FGD6: variants seen among roughly 807,000 people sequenced by gnomAD.
The protein encoded by FGD6 is FYVE, RhoGEF and PH domain-containing protein 6.
FGD6 carries 90 observed loss-of-function variants against 149.4 expected under a neutral mutation model. That is an observed-to-expected ratio of 0.60 (90% CI 0.51 to 0.72). The LOEUF (loss-of-function observed/expected upper bound fraction) is 0.72. Ranked by LOEUF, FGD6 falls within the 30% of genes least tolerant of loss-of-function variation. The pLI is 0.00. For synonymous variants in FGD6, 527 were observed against 584.0 expected, an observed-to-expected ratio of 0.90 and a Z score of 1.41; for missense variants, 1,437 against 1,684.8, an observed-to-expected ratio of 0.85 and a Z score of 2.57.
At chr12:95,187,376 T>C (rs1350755342) in intron 2 of FGD6, among the ~76,000 whole-genome samples, 2 of 150,340 alleles carry the variant, frequency 1.3e-5, no homozygotes, top group Admixed American at 6.6e-5. Context: ...TGGTGGCTCA[T>C]GCCTGTAATC....
intron 6 of FGD6, among the ~76,000 whole-genome samples, chr12:95,138,246 AACTC>A (rs767370417): frequency 1.3e-4 from 18 of 143,868 alleles, no homozygotes; most frequent in Middle Eastern, 3.8e-3. Context: ...ATAAATAAAT[AACTC>A]ACTCACTCCT....
At chr12:95,145,190 T>C (rs1356287453) in intron 5 of FGD6, among the ~76,000 whole-genome samples, 1 of 151,972 alleles carries the variant, frequency 6.6e-6, no homozygotes, top group Non-Finnish European at 1.5e-5. Context: ...GGTTTCACCA[T>C]GTTGGCCAGA....
chr12:95,193,530 G>GTTT (rs754634855), intron 2 of FGD6, among the ~76,000 whole-genome samples: 2 of 129,180 alleles, frequency 1.5e-5, no homozygotes, highest in Admixed American at 7.9e-5. Context: ...GTTAATTCTT[G>GTTT]TTTTTTTTTT....
At chr12:95,131,754 G>A (rs1282787693) in intron 8 of FGD6, among the ~76,000 whole-genome samples, 2 of 152,026 alleles carry the variant, frequency 1.3e-5, no homozygotes, top group African/African-American at 2.4e-5. Context: ...CACCAGTATC[G>A]AGGGCCTATT....
chr12:95,204,249 T>G (rs1197844134), intron 2 of FGD6, among the ~76,000 whole-genome samples: 2 of 152,188 alleles, frequency 1.3e-5, no homozygotes. Context: ...TCCCTTCCAG[T>G]CTCCTTCATC....
In FGD6 at chr12:95,174,927, CAAAAAAAA is replaced by C. The variant is rs10687970; in HGVS notation, c.2442-2191_2442-2184del. 5.9e-5 allele frequency among the ~76,000 whole-genome samples: 5 copies of C among 84,676 alleles called. No homozygotes were observed. In the East Asian group the frequency reaches 1.5e-3, roughly 25 times the overall value. 55.6% of individuals were successfully genotyped at this position (84,676 alleles called of 152,430 possible). On this transcript the variant is annotated intron_variant, in intron 2 of 20. Transcript: ENST00000343958. Reference sequence around the variant, plus strand: ...GGGCGACAGAGTGAGACTCCATCTCCAAAAAAAAAAAAAAAAAAAAGAAATTAGGTTTA... The same window carrying C: ...GGGCGACAGAGTGAGACTCCATCTCCAAAAAAAAAAAAGAAATTAGGTTTA...
chr12:95,133,070 A>T (rs961942718), intron 8 of FGD6, among the ~76,000 whole-genome samples: 1 of 152,234 alleles, frequency 6.6e-6, no homozygotes, highest in Admixed American at 6.5e-5. Flanking sequence ...TAAATTATTC[A>T]GTTGGCTTTA....
At chr12:95,133,814 C>T (rs569881308) in intron 8 of FGD6, among the ~76,000 whole-genome samples, 6 of 152,054 alleles carry the variant, frequency 3.9e-5, no homozygotes, top group Non-Finnish European at 8.8e-5. Context: ...TTTTGTGATG[C>T]CAAACCACTT....
intron 1 of FGD6, among the ~76,000 whole-genome samples, chr12:95,214,744 T>G (rs2056744849): frequency 6.6e-6 from 1 of 152,196 alleles, no homozygotes. Flanking sequence ...GTGTACACTC[T>G]CTGGCTACTG....
At position 95,210,391 on chromosome 12, in the gene FGD6, A is replaced by C. The variant is rs1181947663; in HGVS notation, c.893T>G (p.Leu298Arg). The change falls in exon 2 of 21, where the codon CTT becomes CGT. Residue 298 changes from leucine to arginine, a missense_variant. Transcript: ENST00000343958. Reference sequence around the variant, plus strand: ...TACTAAATGAATTTCTAAGGGACCAAGGTCTTTGACTTCTGATTTCTTACT... The same window carrying C: ...TACTAAATGAATTTCTAAGGGACCACGGTCTTTGACTTCTGATTTCTTACT... ...GVSKKSEVKD[L>R]GPLEIHLVPY... 6.2e-7 allele frequency: 1 copy of C among 1,613,774 alleles called. No homozygotes were observed. Among genetic ancestry groups the C allele is most frequent in the South Asian group, 1.1e-5 (1 of 90,936 alleles).
At chr12:95,105,983 C>G (rs189819565) in intron 13 of FGD6, among the ~76,000 whole-genome samples, 1 of 152,100 alleles carries the variant, frequency 6.6e-6, no homozygotes, top group East Asian at 1.9e-4. Flanking sequence ...GCACTCTAGC[C>G]TGGGTAACAG....
intron 3 of FGD6, among the ~76,000 whole-genome samples, chr12:95,161,276 A>C (rs557687780): frequency 1.3e-5 from 2 of 152,014 alleles, no homozygotes; most frequent in Admixed American, 1.3e-4. Flanking sequence ...TGAGCGGATC[A>C]CTTGAGGTCA....
chr12:95,207,463 G>C (rs1437113773), intron 2 of FGD6, among the ~76,000 whole-genome samples: 4 of 152,202 alleles, frequency 2.6e-5, no homozygotes, highest in African/African-American at 9.7e-5. Context: ...TCAAAGACCT[G>C]AAGTTAGTGG....
At chr12:95,183,657 A>G (rs1394444942) in intron 2 of FGD6, among the ~76,000 whole-genome samples, 2 of 152,144 alleles carry the variant, frequency 1.3e-5, no homozygotes, top group Non-Finnish European at 2.9e-5. Context: ...TAGGCAACAC[A>G]TGGAGATCCC....
At chr12:95,129,972 C>A (rs888821920) in intron 8 of FGD6, among the ~76,000 whole-genome samples, 4 of 152,060 alleles carry the variant, frequency 2.6e-5, no homozygotes, top group Non-Finnish European at 4.4e-5. Flanking sequence ...TCATGCCCAG[C>A]CAAAATTTAT....
Position 95,208,786 on chromosome 12 carries a change from G to A in FGD6, c.2441+57C>T, listed in dbSNP as rs1265956287. Reference sequence around the variant, plus strand: ...TCCCCCTGCATTCCTAACTCACCAGGCTGTTGAAGGTTAATTGCAATGATG... The same window carrying A: ...TCCCCCTGCATTCCTAACTCACCAGACTGTTGAAGGTTAATTGCAATGATG... On this transcript the variant is annotated intron_variant, in intron 2 of 20. Transcript: ENST00000343958. 23 of 1,538,538 alleles carry A rather than the reference G, an allele frequency of 1.5e-5. No individual in the cohort carries two copies. The Admixed American group carries it at 3.2e-4, about 21-fold the overall frequency.
intron 2 of FGD6, among the ~76,000 whole-genome samples, chr12:95,196,566 T>C (rs960653293): frequency 3.9e-5 from 6 of 152,058 alleles, no homozygotes; most frequent in African/African-American, 1.4e-4. Context: ...ACTATGACTA[T>C]GGCATTTATT....
intron 3 of FGD6, among the ~76,000 whole-genome samples, chr12:95,154,891 T>G (rs761595931): frequency 3.9e-5 from 6 of 152,194 alleles, no homozygotes; most frequent in Non-Finnish European, 8.8e-5. Flanking sequence ...TCCCTGAGAC[T>G]CACTGTGATG....
At chr12:95,172,856 G>C (rs1881034619) in intron 2 of FGD6, 112 bp from the exon 3 acceptor site, 3 of 855,718 alleles carry the variant, frequency 3.5e-6, no homozygotes, top group Non-Finnish European at 3.3e-6. Flanking sequence ...ATATCTAAGG[G>C]ATGTGGAAGA....
Sources: gnomAD v4.1 joint callset for allele counts (sites outside exome capture counted in the v4.1 genomes callset) on GRCh38, gnomAD v4.1.1 for gene constraint, MANE v1.5 for transcripts, NCBI Gene and HGNC (gene_info 2026-07-23, HGNC 2026-07-21) for gene names.